Variants in MPP7 observed in about 807,000 individuals in gnomAD.
MPP7 encodes MAGUK p55 subfamily member 7.
In MPP7, 60 loss-of-function variants were observed where a neutral mutation model predicts 76.5. That is an observed-to-expected ratio of 0.78 (90% CI 0.64 to 0.97). The LOEUF (loss-of-function observed/expected upper bound fraction) is 0.97, where lower values mean the gene tolerates loss of function less well. Among genes scored for constraint, MPP7 ranks in the 50% least tolerant of loss-of-function variants. The pLI is 0.00. For missense variants in MPP7, 641 were observed against 694.0 expected (o/e 0.92, Z 0.86); for synonymous variants, 237 against 244.5 (o/e 0.97, Z 0.29).
intron 1 of MPP7, among the ~76,000 whole-genome samples, chr10:28,267,538 G>A (rs1426317058): frequency 2.0e-5 from 3 of 152,158 alleles, no homozygotes; most frequent in Admixed American, 6.6e-5. Context: ...TCAACATGAT[G>A]CTCAAAGGAA....
intron 11 of MPP7, chr10:28,118,426 A>G: frequency 1.0e-6 from 1 of 984,106 alleles, no homozygotes; most frequent in Middle Eastern, 5.2e-4. Context: ...CATTTATTTC[A>G]TCTTTAAGTG....
In MPP7 at chr10:28,119,672, T is replaced by C. The variant is rs1425165783; in HGVS notation, c.931A>G (p.Lys311Glu). The change falls in exon 11 of 17, where the codon AAA becomes GAA. Residue 311 changes from lysine (K) to glutamate (E), a missense_variant. Lys to Glu is a moderately conservative substitution (Grantham distance 56). Transcript: ENST00000683449. ...TTACATGATTTCCTGTTGGAAACTT[T>C]CAGGGGCTGAACCAATATTTCTGGT... ...RRPEILVQPLKVSNRKSSGFR... is the reference protein window; with the variant it reads ...RRPEILVQPLEVSNRKSSGFR... The C allele has an allele frequency of 6.2e-7, 1 of 1,613,742 alleles. No individual in the cohort carries two copies. The highest frequency in any genetic ancestry group is 2.2e-5 in the East Asian group (1 of 44,830).
chr10:28,088,907 G>A (rs1588749803), intron 12 of MPP7, among the ~76,000 whole-genome samples: 2 of 151,988 alleles, frequency 1.3e-5, no homozygotes, highest in African/African-American at 2.4e-5. Context: ...ACAGAGTCTC[G>A]CTCTGTCACC....
At chr10:28,097,957 A>T (rs1387537498) in intron 11 of MPP7, among the ~76,000 whole-genome samples, 1 of 152,162 alleles carries the variant, frequency 6.6e-6, no homozygotes, top group Non-Finnish European at 1.5e-5. Context: ...TTAAGTAAAA[A>T]ATTTTAAAAC....
At position 28,286,628 on chromosome 10, in the gene MPP7, C is replaced by T. The variant is rs144195029; in HGVS notation, c.-132+16233G>A. On this transcript the variant is annotated intron_variant, in intron 1 of 16. Coordinates refer to ENST00000683449, the MANE Select transcript of MPP7 (RefSeq NM_001318170.2). ...GGGGGTCCTCAGGCACCTTTCAGGACGTCCATGACATCAAAATTATCATTA... is the reference window on the plus strand; with the variant it reads ...GGGGGTCCTCAGGCACCTTTCAGGATGTCCATGACATCAAAATTATCATTA... Among the ~76,000 whole-genome samples the T allele has an allele frequency of 9.0e-4, 137 of 152,208 alleles. 1 individual carries two copies. Among genetic ancestry groups the T allele is most frequent in the African/African-American group, 2.9e-3 (122 of 41,536 alleles).
At chr10:28,141,298 C>T (rs1316990384) in intron 5 of MPP7, among the ~76,000 whole-genome samples, 1 of 151,710 alleles carries the variant, frequency 6.6e-6, no homozygotes, top group Non-Finnish European at 1.5e-5. Flanking sequence ...CAGAAGTATC[C>T]CCATAAAAGT....
chr10:28,058,374 GA>G lies in MPP7; in HGVS notation c.1407+120del, dbSNP rs2133320291. On this transcript the variant is annotated intron_variant, in intron 15 of 16. Transcript: ENST00000683449. Reference sequence around the variant, plus strand: ...ATATTTAAATGCTTTTGCCATCTCAGAAAAGCCACATATATGCCAAAAGTGA... The same window carrying G: ...ATATTTAAATGCTTTTGCCATCTCAGAAAGCCACATATATGCCAAAAGTGA... 1.0e-5 allele frequency: 5 copies of G among 495,230 alleles called. No homozygotes were observed. The South Asian group carries it at 3.0e-4, about 30-fold the overall frequency. 30.7% of individuals were successfully genotyped at this position (495,230 alleles called of 1,614,324 possible).
chr10:28,121,228 G>A (rs1382549187), intron 8 of MPP7, among the ~76,000 whole-genome samples: 7 of 150,702 alleles, frequency 4.6e-5, no homozygotes, highest in African/African-American at 1.2e-4. Flanking sequence ...AGCTGTGATC[G>A]CACCACTGCA....
chr10:28,075,767 CAT>C (rs1010753505), intron 12 of MPP7, among the ~76,000 whole-genome samples: 5 of 152,276 alleles, frequency 3.3e-5, no homozygotes, highest in African/African-American at 1.2e-4. Flanking sequence ...TTCCCGAGTT[CAT>C]GTGTTTCCTG....
chr10:28,288,550 T>C (rs56119206), intron 1 of MPP7, among the ~76,000 whole-genome samples: 8,925 of 152,228 alleles, frequency 0.059, 379 homozygotes, highest in South Asian at 0.097. Flanking sequence ...CAGGTTATTA[T>C]GTTTTATTGA....
chr10:28,156,606 A>G (rs922223390), intron 3 of MPP7, among the ~76,000 whole-genome samples: 2 of 152,222 alleles, frequency 1.3e-5, no homozygotes, highest in African/African-American at 4.8e-5. Context: ...AAAGGCAGAC[A>G]GTAACTGTGA....
intron 2 of MPP7, among the ~76,000 whole-genome samples, chr10:28,210,115 T>C (rs1838082046): frequency 6.6e-6 from 1 of 152,186 alleles, no homozygotes; most frequent in Non-Finnish European, 1.5e-5. Flanking sequence ...CCCATAATCT[T>C]GGCTCTCAGG....
intron 1 of MPP7, among the ~76,000 whole-genome samples, chr10:28,262,228 TATATATATATATATAC>T (rs1839995505): frequency 6.4e-5 from 2 of 31,296 alleles, no homozygotes; most frequent in Non-Finnish European, 1.1e-4. Flanking sequence ...TATATATACA[TATATATATATATATAC>T]ATATATATAT....
At chr10:28,290,995 T>C (rs886707106) in intron 1 of MPP7, among the ~76,000 whole-genome samples, 2 of 152,236 alleles carry the variant, frequency 1.3e-5, no homozygotes, top group African/African-American at 4.8e-5. Context: ...ATTATCCTGA[T>C]GACACGATTT....
intron 3 of MPP7, among the ~76,000 whole-genome samples, chr10:28,168,611 C>T (rs1362901121): frequency 2.0e-5 from 3 of 152,052 alleles, no homozygotes; most frequent in Non-Finnish European, 4.4e-5. Context: ...CTTCGCCTCC[C>T]GGGTTCACAC....
intron 1 of MPP7, among the ~76,000 whole-genome samples, chr10:28,288,477 G>C (rs1214152615): frequency 6.6e-6 from 1 of 152,136 alleles, no homozygotes; most frequent in African/African-American, 2.4e-5. Flanking sequence ...CTGGCCTCAA[G>C]TGATCGTCCC....
intron 6 of MPP7, 30 bp downstream of exon 6, chr10:28,131,530 A>G: frequency 6.5e-7 from 1 of 1,545,370 alleles, no homozygotes; most frequent in Non-Finnish European, 8.8e-7. Flanking sequence ...CTATCATGGT[A>G]TCTACTCATA....
chr10:28,217,559 AAAG>A (rs1229490614), intron 2 of MPP7, among the ~76,000 whole-genome samples: 2 of 151,126 alleles, frequency 1.3e-5, no homozygotes, highest in Admixed American at 1.3e-4. Context: ...AAAGAAAAGA[AAAG>A]AAAAACTGCA....
intron 1 of MPP7, among the ~76,000 whole-genome samples, chr10:28,290,174 ATCT>A (rs1840881653): frequency 1.3e-5 from 2 of 152,080 alleles, no homozygotes; most frequent in Admixed American, 1.3e-4. Flanking sequence ...GTACATAAAG[ATCT>A]TCTATTAGTT....
Sources: gnomAD v4.1 joint callset for allele counts (sites outside exome capture counted in the v4.1 genomes callset) on GRCh38, gnomAD v4.1.1 for gene constraint, MANE v1.5 for transcripts, NCBI Gene and HGNC (gene_info 2026-07-23, HGNC 2026-07-21) for gene names.